SYCP3: variants seen among roughly 807,000 people sequenced by gnomAD.
SYCP3 encodes the protein synaptonemal complex protein 3.
Under a neutral mutation model 38.5 loss-of-function variants are expected in SYCP3, and 29 were observed. The ratio of observed to expected loss-of-function variants is 0.75; its 90% confidence interval spans 0.56 to 1.03. SYCP3 has a LOEUF of 1.03. Ranked by LOEUF, SYCP3 falls within the 50% of genes least tolerant of loss-of-function variation. The pLI, the probability that SYCP3 is intolerant of heterozygous loss-of-function variation, is 0.00. For synonymous variants in SYCP3, 79 were observed against 80.3 expected, an observed-to-expected ratio of 0.98 and a Z score of 0.08; for missense variants, 242 against 270.7, an observed-to-expected ratio of 0.89 and a Z score of 0.74.
At chr12:101,733,921 T>G (rs1321676516) in intron 5 of SYCP3, among the ~76,000 whole-genome samples, 1 of 152,220 alleles carries the variant, frequency 6.6e-6, no homozygotes, top group Non-Finnish European at 1.5e-5. Context: ...GAAGTTTTAT[T>G]GTATATATAA....
Position 101,737,868 on chromosome 12 carries a change from C to T in SYCP3, c.68G>A (p.Arg23Lys). The change falls in exon 2 of 9, where the codon AGA (arginine) becomes AAA (lysine). Residue 23 changes from arginine (R) to lysine (K), a missense_variant. Transcript: ENST00000392924. Reference protein sequence around the residue: ...GKPSVEDQFTRAYDFETEDKK... With the variant: ...GKPSVEDQFTKAYDFETEDKK... ...ATCTTCAGTCTCAAAGTCATAGGCTCTCGTAAACTGATCTTCCACAGACGG... is the reference window on the plus strand; with the variant it reads ...ATCTTCAGTCTCAAAGTCATAGGCTTTCGTAAACTGATCTTCCACAGACGG... 5 of 1,614,230 alleles carry T rather than the reference C, an allele frequency of 3.1e-6. No individual in the cohort carries two copies. Among genetic ancestry groups the T allele is most frequent in the African/African-American group, 1.3e-5 (1 of 75,064 alleles).
intron 5 of SYCP3, 60 bp from the exon 6 acceptor site, chr12:101,733,734 A>G (rs1176152531): frequency 1.3e-6 from 2 of 1,502,970 alleles, no homozygotes; most frequent in East Asian, 4.6e-5. Context: ...AGAATTTAAA[A>G]CAAAACTGAG....
intron 6 of SYCP3, 41 bp from the exon 7 acceptor site, chr12:101,731,707 G>T: frequency 7.1e-7 from 1 of 1,411,148 alleles, no homozygotes; most frequent in South Asian, 1.3e-5. Flanking sequence ...ATAACAATTT[G>T]GGTAAAATTT....
chr12:101,734,134 C>CT lies in SYCP3; in HGVS notation c.354-461dup, dbSNP rs374612741. 8.3e-3 allele frequency among the ~76,000 whole-genome samples: 1,271 copies of CT among 152,278 alleles called. 7 individuals are homozygous for CT. The highest frequency in any genetic ancestry group is 0.011 in the Non-Finnish European group (773 of 68,016). ...TTATACAAAAGAAGAGTTAAGTCAGCTAAAACATACAAATTATATACGATA... is the reference window on the plus strand; with the variant it reads ...TTATACAAAAGAAGAGTTAAGTCAGCTTAAAACATACAAATTATATACGATA... On this transcript the variant is annotated intron_variant, in intron 5 of 8. Transcript: ENST00000392924.
intron 1 of SYCP3, among the ~76,000 whole-genome samples, chr12:101,738,268 A>T (rs1273732761): frequency 6.7e-6 from 1 of 150,288 alleles, no homozygotes; most frequent in Non-Finnish European, 1.5e-5. Context: ...TACTGAAAAA[A>T]AAAAACAAAA....
At chr12:101,732,360 T>A (rs1426486314) in intron 6 of SYCP3, 1 of 152,252 alleles carries the variant, frequency 6.6e-6, no homozygotes, top group East Asian at 1.9e-4. Flanking sequence ...TACACTGTCA[T>A]CCCTACCCCC....
At chr12:101,733,399 C>G (rs2137059284) in intron 6 of SYCP3, 176 bp downstream of exon 6, 2 of 578,720 alleles carry the variant, frequency 3.5e-6, no homozygotes, top group East Asian at 2.9e-5. Flanking sequence ...ATATAAATGC[C>G]TTTTATGAGT....
rs1378356095 is a variant in SYCP3 at position 101,729,257 on chromosome 12, C to T, written c.553-44G>A. On this transcript the variant is annotated intron_variant, in intron 7 of 8. Transcript: ENST00000392924. ...AGTTAAGTTACAAAGGACCACTTTT[C>T]ATCTCAGGTTCTAAACTTGTACAAT... 3.2e-6 allele frequency: 5 copies of T among 1,568,676 alleles called. No individual in the cohort carries two copies. The South Asian group carries it at 4.5e-5, about 14-fold the overall frequency.
At chr12:101,733,468 G>A in intron 6 of SYCP3, 107 bp downstream of exon 6, 2 of 972,576 alleles carry the variant, frequency 2.1e-6, no homozygotes. Flanking sequence ...CACATGGCCA[G>A]CAATGGTTAA....
chr12:101,731,831 A>C, intron 6 of SYCP3, 165 bp from the exon 7 acceptor site: 1 of 483,426 alleles, frequency 2.1e-6, no homozygotes, highest in Non-Finnish European at 3.6e-6. Flanking sequence ...GTTCACCACT[A>C]ATATGTAACA....
At chr12:101,736,498 A>T (rs1366277150) in intron 4 of SYCP3, among the ~76,000 whole-genome samples, 13 of 152,134 alleles carry the variant, frequency 8.5e-5, no homozygotes. Flanking sequence ...TTAATATATT[A>T]TTTAAAACTT....
Position 101,729,097 on chromosome 12 carries a change from A to G in SYCP3, c.657+12T>C. The G allele has an allele frequency of 6.2e-7, 1 of 1,608,718 alleles. No individual in the cohort carries two copies. The highest frequency in any genetic ancestry group is 1.1e-5 in the South Asian group (1 of 90,690). Reference sequence around the variant, plus strand: ...TAATCCTTATTTTTTCAATTTCAATATGATCACTTACAGTTTCCATCATAA... The same window carrying G: ...TAATCCTTATTTTTTCAATTTCAATGTGATCACTTACAGTTTCCATCATAA... On this transcript the variant is annotated intron_variant, in intron 8 of 8. Coordinates refer to ENST00000392924, the MANE Select transcript of SYCP3 (RefSeq NM_001177949.2).
chr12:101,735,871 A>ATATATATATATATATAT, intron 4 of SYCP3, among the ~76,000 whole-genome samples: 2 of 74,762 alleles, frequency 2.7e-5, no homozygotes, highest in East Asian at 7.7e-4. Flanking sequence ...ATATATATAT[A>ATATATATATATATATAT]TTTTTTTTTT....
chr12:101,729,349 G>T, intron 7 of SYCP3, 136 bp from the exon 8 acceptor site: 2 of 873,602 alleles, frequency 2.3e-6, no homozygotes, highest in Non-Finnish European at 3.5e-6. Flanking sequence ...AATATTCTAA[G>T]TAATACATGA....
chr12:101,735,155 T>C, intron 4 of SYCP3, 111 bp from the exon 5 acceptor site: 1 of 673,156 alleles, frequency 1.5e-6, no homozygotes, highest in Non-Finnish European at 2.5e-6. Flanking sequence ...GAAAGACATT[T>C]AAACTTAAAT....
At chr12:101,737,708 G>A in intron 2 of SYCP3, 95 bp downstream of exon 2, 1 of 1,573,226 alleles carries the variant, frequency 6.4e-7, no homozygotes, top group Non-Finnish European at 8.7e-7. Context: ...GACCATACCT[G>A]AAAATGCTTT....
At chr12:101,735,126 G>A in intron 4 of SYCP3, 82 bp from the exon 5 acceptor site, 1 of 886,172 alleles carries the variant, frequency 1.1e-6, no homozygotes, top group Non-Finnish European at 1.8e-6. Context: ...ATATGGGTAA[G>A]GTTGGTTCAA....
At chr12:101,730,652 C>T in intron 7 of SYCP3, 1 of 290,454 alleles carries the variant, frequency 3.4e-6, no homozygotes. Flanking sequence ...TGCCACCATG[C>T]CCAGCTATTT....
chr12:101,739,148 T>A (rs1952606175), intron 1 of SYCP3: 1 of 711,094 alleles, frequency 1.4e-6, no homozygotes, highest in South Asian at 6.2e-5. Context: ...GGTCCCAGGG[T>A]GTAGCGATGG....
Sources: gnomAD v4.1 joint callset for allele counts (sites outside exome capture counted in the v4.1 genomes callset) on GRCh38, gnomAD v4.1.1 for gene constraint, MANE v1.5 for transcripts, NCBI Gene and HGNC (gene_info 2026-07-23, HGNC 2026-07-21) for gene names.